Variants in SERINC5 observed in about 807,000 individuals in gnomAD.
The protein encoded by SERINC5 is chromosome 5 open reading frame 12.
In SERINC5, 41 loss-of-function variants were observed where a neutral mutation model predicts 63.1. The ratio of observed to expected loss-of-function variants is 0.65; its 90% CI spans 0.51 to 0.84. The LOEUF (loss-of-function observed/expected upper bound fraction) is 0.84, where lower values mean the gene tolerates loss of function less well. Among genes scored for constraint, SERINC5 ranks in the 40% least tolerant of loss-of-function variants. The pLI is 0.00. For missense variants in SERINC5, 523 were observed against 573.0 expected (o/e 0.91, Z 0.89); for synonymous variants, 222 against 215.2 (o/e 1.03, Z -0.28).
At chr5:80,188,310 A>T (rs1484805881) in intron 2 of SERINC5, among the ~76,000 whole-genome samples, 2 of 151,156 alleles carry the variant, frequency 1.3e-5, no homozygotes, top group East Asian at 3.9e-4. Context: ...AAAAAATCTA[A>T]CTGCAAAGGA....
chr5:80,121,647 G>A (rs1022153464), intron 11 of SERINC5, among the ~76,000 whole-genome samples: 4 of 152,044 alleles, frequency 2.6e-5, no homozygotes, highest in Admixed American at 6.5e-5. Flanking sequence ...AAATACCTGA[G>A]ACTGGGTAAT....
Position 80,229,177 on chromosome 5 carries a change from C to T in SERINC5, c.28-26124G>A, listed in dbSNP as rs370260540. On this transcript the variant is annotated intron_variant, in intron 1 of 11. Transcript: ENST00000507668. ...TAGCTAGGATTACAGGCGCATGCCA[C>T]CACGCCCGGCTAATTTTTGTATTTT... is the stretch of plus-strand genomic sequence containing the variant. Among the ~76,000 whole-genome samples, 44 of 151,696 alleles carry T rather than the reference C, an allele frequency of 2.9e-4. No homozygotes were observed. In the South Asian group the frequency reaches 9.0e-3, roughly 31 times the overall value.
chr5:80,221,061 G>A (rs1307556118), intron 1 of SERINC5, among the ~76,000 whole-genome samples: 1 of 152,176 alleles, frequency 6.6e-6, no homozygotes, highest in Non-Finnish European at 1.5e-5. Flanking sequence ...AGAGCAGAGA[G>A]CACTCGGCCA....
chr5:80,144,225 A>G (rs1472245181), intron 11 of SERINC5, among the ~76,000 whole-genome samples: 1 of 150,026 alleles, frequency 6.7e-6, no homozygotes, highest in Non-Finnish European at 1.5e-5. Flanking sequence ...TATTGTATGG[A>G]TAGAGCACAT....
At chr5:80,236,545 T>C (rs1393207282) in intron 1 of SERINC5, among the ~76,000 whole-genome samples, 3 of 151,304 alleles carry the variant, frequency 2.0e-5, no homozygotes, top group East Asian at 1.9e-4. Flanking sequence ...TTTTTTTTTC[T>C]TGAGACAGAT....
At position 80,175,008 on chromosome 5, in the gene SERINC5, A is replaced by G. The variant is rs1747938974; in HGVS notation, c.497T>C (p.Ile166Thr). Residue 166 changes from isoleucine (I) to threonine (T), a missense_variant, in exon 5 of 12, where the codon ATT (isoleucine) becomes ACT (threonine). Physicochemically the swap from Ile to Thr is moderately conservative, Grantham distance 89. Coordinates refer to ENST00000507668, the MANE Select transcript of SERINC5 (RefSeq NM_001174072.3). ...CACGAGCAGGAGGAGCTGGATGCCA[A>G]TGAAGAGGAAGCCTCCGACGGCTCC... is the stretch of plus-strand genomic sequence containing the variant. ...YVGAVGGFLF[I>T]GIQLLLLVEF... 3.1e-6 allele frequency: 5 copies of G among 1,602,690 alleles called. No homozygotes were observed. Among genetic ancestry groups the G allele is most frequent in the South Asian group, 1.1e-5 (1 of 88,766 alleles).
In SERINC5 at chr5:80,214,366, A is replaced by G. The variant is rs147992590; in HGVS notation, c.28-11313T>C. Among the ~76,000 whole-genome samples, 900 of 152,324 alleles carry G rather than the reference A, an allele frequency of 5.9e-3. 7 individuals are homozygous for G. Among genetic ancestry groups the G allele is most frequent in the African/African-American group, 0.021 (853 of 41,566 alleles). On this transcript the variant is annotated intron_variant, in intron 1 of 11. Transcript: ENST00000507668. ...TTTCTGAACTCTCTGCAACAAGCAT[A>G]CATCTTATAATTAGAAAAACATTAC... is the stretch of plus-strand genomic sequence containing the variant.
chr5:80,201,337 T>C (rs10055033), intron 2 of SERINC5, among the ~76,000 whole-genome samples: 21,761 of 152,162 alleles, frequency 0.14, 1,694 homozygotes, highest in African/African-American at 0.19. Context: ...CAAGGCTTTC[T>C]TCTCCCTCTA....
chr5:80,178,248 A>G (rs1047288471), intron 2 of SERINC5, among the ~76,000 whole-genome samples, 184 bp from the exon 3 acceptor site: 2 of 152,352 alleles, frequency 1.3e-5, no homozygotes, highest in South Asian at 2.1e-4. Flanking sequence ...TTTTAAAGAT[A>G]CAGTGATCAT....
At chr5:80,211,631 T>C (rs1250409029) in intron 1 of SERINC5, among the ~76,000 whole-genome samples, 1 of 152,210 alleles carries the variant, frequency 6.6e-6, no homozygotes, top group Non-Finnish European at 1.5e-5. Flanking sequence ...AGAAACTCTC[T>C]GAAAAGACTA....
intron 1 of SERINC5, among the ~76,000 whole-genome samples, chr5:80,237,974 C>T (rs548480173): frequency 9.1e-4 from 138 of 151,410 alleles, no homozygotes; most frequent in African/African-American, 3.1e-3. Flanking sequence ...CGTGGTGGCG[C>T]GCGCCTGTAG....
intron 1 of SERINC5, among the ~76,000 whole-genome samples, chr5:80,230,841 T>G (rs1751410704): frequency 6.6e-6 from 1 of 152,110 alleles, no homozygotes; most frequent in African/African-American, 2.4e-5. Context: ...TTTCTGACAG[T>G]ATTCTATCCC....
At chr5:80,123,622 TC>T (rs1306326029) in intron 11 of SERINC5, among the ~76,000 whole-genome samples, 7 of 152,116 alleles carry the variant, frequency 4.6e-5, no homozygotes, top group Admixed American at 4.6e-4. Context: ...ATGATCCAGC[TC>T]CCCATCTCAC....
chr5:80,146,548 G>A (rs1393039064), intron 10 of SERINC5, among the ~76,000 whole-genome samples: 4 of 152,160 alleles, frequency 2.6e-5, no homozygotes, highest in African/African-American at 9.7e-5. Context: ...CACCTCCCAG[G>A]TTCAAGCGAT....
At chr5:80,198,156 T>TC (rs1580154075) in intron 2 of SERINC5, among the ~76,000 whole-genome samples, 1 of 152,060 alleles carries the variant, frequency 6.6e-6, no homozygotes, top group East Asian at 1.9e-4. Flanking sequence ...GGATTTTTAA[T>TC]CCCCCAGGTA....
chr5:80,180,588 C>T (rs4704622), intron 2 of SERINC5, among the ~76,000 whole-genome samples: 37 of 152,150 alleles, frequency 2.4e-4, no homozygotes, highest in African/African-American at 8.7e-4. Context: ...CTGTGGCTGG[C>T]GCTCCCAAAG....
At chr5:80,178,405 C>T (rs1000535874) in intron 2 of SERINC5, among the ~76,000 whole-genome samples, 85 of 140,286 alleles carry the variant, frequency 6.1e-4, no homozygotes, top group Non-Finnish European at 1.1e-3. Flanking sequence ...CTCTGTTGCC[C>T]GGCCTAGAGT....
At position 80,177,377 on chromosome 5, in the gene SERINC5, A is replaced by G. The variant is rs1748104279; in HGVS notation, c.395T>C (p.Leu132Pro). Reference protein sequence around the residue: ...IHNGFWFFKLLLLGAMCSGAF... With the variant: ...IHNGFWFFKLPLLGAMCSGAF... ...TCCTGAGCACATGGCCCCCAACAGC[A>G]GAAGTTTAAAGAACCAAAAGCTAGA... The change falls in exon 4 of 12, where the codon CTG becomes CCG. Residue 132 changes from leucine (L) to proline (P), a missense_variant. By Grantham distance (98) the Leu-to-Pro change is moderately conservative. Coordinates refer to ENST00000507668, the MANE Select transcript of SERINC5 (RefSeq NM_001174072.3). 6.2e-7 allele frequency: 1 copy of G among 1,613,678 alleles called. No individual in the cohort carries two copies. Among genetic ancestry groups the G allele is most frequent in the East Asian group, 2.2e-5 (1 of 44,876 alleles).
intron 5 of SERINC5, among the ~76,000 whole-genome samples, chr5:80,174,038 G>C (rs1044295196): frequency 1.3e-5 from 2 of 152,084 alleles, no homozygotes; most frequent in Non-Finnish European, 2.9e-5. Context: ...GGAGGTCAGA[G>C]GGGCCGACTG....
Sources: gnomAD v4.1 joint callset for allele counts (sites outside exome capture counted in the v4.1 genomes callset) on GRCh38, gnomAD v4.1.1 for gene constraint, MANE v1.5 for transcripts, NCBI Gene and HGNC (gene_info 2026-07-23, HGNC 2026-07-21) for gene names.